Variants in SGCD observed in about 807,000 individuals in gnomAD.
The protein encoded by SGCD is sarcoglycan delta.
A neutral mutation model predicts 36.6 loss-of-function variants in SGCD; 18 were observed. The ratio of observed to expected loss-of-function variants is 0.49; its 90% CI spans 0.34 to 0.73. The LOEUF (loss-of-function observed/expected upper bound fraction) is 0.73, where lower values mean the gene tolerates loss of function less well. Among genes scored for constraint, SGCD ranks in the 30% least tolerant of loss-of-function variants. The probability of loss-of-function intolerance (pLI) is 0.01; values close to 1 mark genes in which losing one functional copy is unlikely to be tolerated. For missense variants in SGCD, 387 were observed against 346.7 expected (o/e 1.12, Z -0.92); for synonymous variants, 133 against 130.6 (o/e 1.02, Z -0.12).
chr5:156,668,871 C>T (rs1051296375), intron 7 of SGCD, among the ~76,000 whole-genome samples: 4 of 152,060 alleles, frequency 2.6e-5, no homozygotes, highest in Non-Finnish European at 5.9e-5. Context: ...TAAGGAAAGT[C>T]GAAAGCAAAG....
chr5:156,680,455 C>T (rs1301987020), intron 7 of SGCD, among the ~76,000 whole-genome samples: 1 of 152,122 alleles, frequency 6.6e-6, no homozygotes, highest in Non-Finnish European at 1.5e-5. Flanking sequence ...TTAGGTCTTC[C>T]CATTTGCAAA....
chr5:156,481,807 G>C (rs1036210960), intron 3 of SGCD, among the ~76,000 whole-genome samples: 2 of 152,198 alleles, frequency 1.3e-5, no homozygotes, highest in Non-Finnish European at 2.9e-5. Context: ...CCCAGGATCA[G>C]GGTCGGAACC....
chr5:156,242,144 A>G (rs1393499876), intron 3 of SGCD, among the ~76,000 whole-genome samples: 4 of 152,264 alleles, frequency 2.6e-5, no homozygotes, highest in Non-Finnish European at 1.5e-5. Context: ...AAACTGTGGT[A>G]TATCTATACT....
At chr5:156,298,281 G>A (rs1481171495) in intron 3 of SGCD, among the ~76,000 whole-genome samples, 6 of 152,124 alleles carry the variant, frequency 3.9e-5, no homozygotes, top group Non-Finnish European at 8.8e-5. Flanking sequence ...TAAATACCCA[G>A]TAGTCAGATT....
chr5:156,102,994 A>G (rs1046343601), intron 1 of SGCD, among the ~76,000 whole-genome samples: 2 of 152,220 alleles, frequency 1.3e-5, no homozygotes, highest in African/African-American at 4.8e-5. Context: ...TTTAACAAGT[A>G]AAATGTGGTT....
At chr5:156,017,360 T>C (rs1426025762) in intron 1 of SGCD, among the ~76,000 whole-genome samples, 1 of 152,098 alleles carries the variant, frequency 6.6e-6, no homozygotes, top group Non-Finnish European at 1.5e-5. Flanking sequence ...GGCAAATGCA[T>C]CAATTTTTTA....
intron 3 of SGCD, among the ~76,000 whole-genome samples, chr5:156,477,842 G>A (rs1026503437): frequency 2.0e-5 from 3 of 152,274 alleles, no homozygotes; most frequent in East Asian, 3.9e-4. Context: ...GGTGCAAAAT[G>A]CAGCATCTCT....
At chr5:156,508,569 A>G (rs752141129) in intron 3 of SGCD, 32 bp from the exon 4 acceptor site, 1 of 1,421,766 alleles carries the variant, frequency 7.0e-7, no homozygotes, top group African/African-American at 1.4e-5. Context: ...GGCTAATCAT[A>G]TCTTCCTTGT....
chr5:156,491,451 G>A (rs1393118164), intron 3 of SGCD, among the ~76,000 whole-genome samples: 1 of 152,080 alleles, frequency 6.6e-6, no homozygotes, highest in African/African-American at 2.4e-5. Context: ...CTACAAAGCT[G>A]TAATAACCCA....
chr5:156,283,679 C>T (rs1245966247), intron 3 of SGCD, among the ~76,000 whole-genome samples: 1 of 152,124 alleles, frequency 6.6e-6, no homozygotes, highest in South Asian at 2.1e-4. Context: ...GAGTATGTAC[C>T]AAAATCACCT....
At chr5:156,641,462 A>G (rs1221783023) in intron 6 of SGCD, among the ~76,000 whole-genome samples, 1 of 152,218 alleles carries the variant, frequency 6.6e-6, no homozygotes, top group African/African-American at 2.4e-5. Flanking sequence ...TCAAAGAATT[A>G]TTAGTTTATT....
chr5:155,748,661 T>A, the SGCD span, among the ~76,000 whole-genome samples: 2 of 152,064 alleles, frequency 1.3e-5, no homozygotes, highest in Non-Finnish European at 2.9e-5. Context: ...CAACATGCAG[T>A]CCAAGTCACA....
At chr5:156,046,222 T>C (rs1325945600) in intron 1 of SGCD, among the ~76,000 whole-genome samples, 1 of 152,158 alleles carries the variant, frequency 6.6e-6, no homozygotes, top group African/African-American at 2.4e-5. Context: ...TGAAACAGAA[T>C]ATCTATAGAA....
intron 3 of SGCD, among the ~76,000 whole-genome samples, chr5:156,490,338 C>T (rs1302025107): frequency 6.6e-6 from 1 of 151,918 alleles, no homozygotes; most frequent in Admixed American, 6.6e-5. Flanking sequence ...GAAAGGAATC[C>T]TTTCTAACTC....
intron 7 of SGCD, among the ~76,000 whole-genome samples, chr5:156,699,809 G>T (rs1456648045): frequency 1.3e-5 from 2 of 152,160 alleles, no homozygotes; most frequent in African/African-American, 2.4e-5. Flanking sequence ...ATATAGAGGA[G>T]AGAGCTCTTG....
intron 1 of SGCD, among the ~76,000 whole-genome samples, chr5:155,948,631 CT>C (rs1189272985): frequency 6.6e-6 from 1 of 152,164 alleles, no homozygotes; most frequent in Admixed American, 6.5e-5. Flanking sequence ...ATTAGCTCCC[CT>C]GTGATATTTA....
chr5:155,867,399 T>C (rs1450189312), upstream of SGCD, among the ~76,000 whole-genome samples: 1 of 152,222 alleles, frequency 6.6e-6, no homozygotes, highest in Non-Finnish European at 1.5e-5. Context: ...AAGGGAGATA[T>C]GGTATCTCAC....
intron 3 of SGCD, among the ~76,000 whole-genome samples, chr5:156,246,849 A>G (rs1163390351): frequency 1.3e-5 from 2 of 152,212 alleles, no homozygotes; most frequent in Non-Finnish European, 2.9e-5. Flanking sequence ...TACAATCCAC[A>G]GATATCACCA....
chr5:155,974,434 G>T (rs998583597), intron 1 of SGCD, among the ~76,000 whole-genome samples: 1 of 151,982 alleles, frequency 6.6e-6, no homozygotes, highest in Non-Finnish European at 1.5e-5. Context: ...TTTCCCCAGG[G>T]TATCATGTAT....
Sources: allele counts gnomAD v4.1 joint callset (sites outside exome capture counted in the v4.1 genomes callset), GRCh38; gene constraint gnomAD v4.1.1; transcripts MANE v1.5; gene names NCBI Gene and HGNC (gene_info 2026-07-23, HGNC 2026-07-21).